The following ANO2 variants were observed in gnomAD, a reference collection of about 807,000 sequenced individuals.
ANO2 encodes anoctamin 2.
ANO2 carries 101 observed loss-of-function variants against 124.2 expected under a neutral mutation model. The ratio of observed to expected loss-of-function variants is 0.81; its 90% CI spans 0.69 to 0.96. The LOEUF is 0.96. Among genes scored for constraint, ANO2 ranks in the 40% least tolerant of loss-of-function variants. The probability of loss-of-function intolerance (pLI) is 0.00; values close to 1 mark genes in which losing one functional copy is unlikely to be tolerated. For missense variants in ANO2, 1,293 were observed against 1,274.5 expected (o/e 1.01, Z -0.22); for synonymous variants, 486 against 482.5 (o/e 1.01, Z -0.09).
chr12:5,945,345 T>TCCTCCC (rs1943062742), upstream of ANO2: 29 of 930,514 alleles, frequency 3.1e-5, no homozygotes, highest in South Asian at 7.6e-4. Flanking sequence ...TGCCGCCTCC[T>TCCTCCC]CCTCCCCCAT....
At chr12:5,918,257 A>G (rs1372244752) in intron 3 of ANO2, among the ~76,000 whole-genome samples, 1 of 152,084 alleles carries the variant, frequency 6.6e-6, no homozygotes, top group Non-Finnish European at 1.5e-5. Flanking sequence ...CTCTTCCTAC[A>G]TGGGTGGAAA....
chr12:5,731,221 G>A (rs1294090342), intron 14 of ANO2, among the ~76,000 whole-genome samples: 2 of 152,190 alleles, frequency 1.3e-5, no homozygotes, highest in Non-Finnish European at 2.9e-5. Context: ...TTTCTGATGA[G>A]GGTGGCGGTG....
At chr12:5,701,087 A>ATTTTTTTT (rs56113538) in intron 14 of ANO2, among the ~76,000 whole-genome samples, 17 of 93,610 alleles carry the variant, frequency 1.8e-4, no homozygotes, top group South Asian at 4.1e-4. Flanking sequence ...GTCATTTTCA[A>ATTTTTTTT]TTTTTTTTTT....
In ANO2 at chr12:5,744,221, C is replaced by T. The variant is rs200519106; in HGVS notation, c.1287G>A (p.Ala429=). ...GGTTGTCAAACAGGTGGCTGGCCTGCGCGGTCCCACAGGCTGAGCTGAGGT... is the reference window on the plus strand; with the variant it reads ...GGTTGTCAAACAGGTGGCTGGCCTGTGCGGTCCCACAGGCTGAGCTGAGGT... ...YWNLSSACGT[A]QASHLFDNPA... is the part of the protein sequence containing the mutation. Residue 429 remains alanine (A), a synonymous_variant, in exon 12 of 25, where the codon GCG becomes GCA. Coordinates refer to ENST00000682330, the MANE Select transcript of ANO2 (RefSeq NM_001364791.2). 1.8e-5 allele frequency: 29 copies of T among 1,612,848 alleles called. No homozygotes were observed. The highest frequency in any genetic ancestry group is 2.1e-5 in the Non-Finnish European group (25 of 1,179,860).
intron 10 of ANO2, among the ~76,000 whole-genome samples, chr12:5,798,456 C>T (rs1952938884): frequency 6.6e-6 from 1 of 152,124 alleles, no homozygotes; most frequent in Non-Finnish European, 1.5e-5. Flanking sequence ...AGCTGGAATT[C>T]CTCCCTCTAG....
chr12:5,937,644 AT>A (rs922116326), intron 1 of ANO2, among the ~76,000 whole-genome samples: 34 of 148,594 alleles, frequency 2.3e-4, no homozygotes, highest in Admixed American at 3.4e-4. Context: ...GGGGGTTGGA[AT>A]TTTTTTTTTT....
At chr12:5,872,486 A>G (rs1937771767) in intron 3 of ANO2, among the ~76,000 whole-genome samples, 1 of 152,144 alleles carries the variant, frequency 6.6e-6, no homozygotes, top group Admixed American at 6.5e-5. Flanking sequence ...TTCACCTCAA[A>G]TCAGTGACTA....
At chr12:5,584,611 C>T (rs1943002798) in intron 20 of ANO2, among the ~76,000 whole-genome samples, 1 of 152,172 alleles carries the variant, frequency 6.6e-6, no homozygotes, top group South Asian at 2.1e-4. Context: ...AAGGTCATAA[C>T]TATTTATTTC....
chr12:5,765,733 G>A (rs1266874787), intron 10 of ANO2, among the ~76,000 whole-genome samples: 1 of 152,182 alleles, frequency 6.6e-6, no homozygotes, highest in African/African-American at 2.4e-5. Context: ...CCATGAAAAT[G>A]GAACTTTTGT....
chr12:5,813,535 C>CCTGACCA lies in ANO2; in HGVS notation c.893-6174_893-6168dup, dbSNP rs553088244. ...CTGATGCCAATTACATGCAACCACACCTGACCACCGTCGCCCATAATCACA... is the reference window on the plus strand; with the variant it reads ...CTGATGCCAATTACATGCAACCACACCTGACCACTGACCACCGTCGCCCATAATCACA... On this transcript the variant is annotated intron_variant, in intron 7 of 24. Coordinates refer to ENST00000682330, the MANE Select transcript of ANO2 (RefSeq NM_001364791.2). Among the ~76,000 whole-genome samples, 134 of 152,244 alleles carry CCTGACCA rather than the reference C, an allele frequency of 8.8e-4. 1 individual carries two copies. The South Asian group carries it at 0.028, about 31-fold the overall frequency.
At chr12:5,610,980 T>TG (rs1358026495) in intron 19 of ANO2, among the ~76,000 whole-genome samples, 2 of 146,158 alleles carry the variant, frequency 1.4e-5, no homozygotes, top group African/African-American at 5.1e-5. Context: ...TGCTTTTTTT[T>TG]TTTTTTTTTG....
intron 14 of ANO2, among the ~76,000 whole-genome samples, chr12:5,688,810 CT>C (rs36091783): frequency 0.13 from 15,894 of 119,218 alleles, 935 homozygotes; most frequent in African/African-American, 0.23. Flanking sequence ...TGGGAGTATC[CT>C]TTTTTTTTTT....
intron 14 of ANO2, among the ~76,000 whole-genome samples, chr12:5,668,851 G>A (rs1452267247): frequency 6.6e-6 from 1 of 152,132 alleles, no homozygotes; most frequent in Non-Finnish European, 1.5e-5. Context: ...AGATCAGATG[G>A]TTGTAGACGT....
chr12:5,841,563 T>A (rs1954514887), intron 4 of ANO2, among the ~76,000 whole-genome samples: 1 of 152,254 alleles, frequency 6.6e-6, no homozygotes, highest in Non-Finnish European at 1.5e-5. Flanking sequence ...GCGCCATGCC[T>A]GCTGCCTCCC....
intron 10 of ANO2, among the ~76,000 whole-genome samples, chr12:5,772,264 T>C (rs931205943): frequency 2.6e-5 from 4 of 152,202 alleles, no homozygotes; most frequent in African/African-American, 9.6e-5. Flanking sequence ...AGAGAAAGAA[T>C]TCCATTATGA....
intron 14 of ANO2, among the ~76,000 whole-genome samples, chr12:5,673,273 G>T (rs1342687191): frequency 2.6e-5 from 4 of 152,154 alleles, no homozygotes; most frequent in African/African-American, 9.6e-5. Flanking sequence ...GCAGGCATGT[G>T]GCTAGCTCAG....
rs1214515243 is a variant in ANO2, at chr12:5,862,574, A to G, written c.535-8433T>C. Among the ~76,000 whole-genome samples the G allele has an allele frequency of 6.6e-6, 1 of 152,164 alleles. No homozygotes were observed. Among genetic ancestry groups the G allele is most frequent in the Non-Finnish European group, 1.5e-5 (1 of 68,034 alleles). ...CAAGTGAAGAGGAAGCAGTGAGGGGAGCCCAGGGAGACTGAGGAGTCCAAC... is the reference window on the plus strand; with the variant it reads ...CAAGTGAAGAGGAAGCAGTGAGGGGGGCCCAGGGAGACTGAGGAGTCCAAC... On this transcript the variant is annotated intron_variant, in intron 3 of 24. Coordinates refer to ENST00000682330, the MANE Select transcript of ANO2 (RefSeq NM_001364791.2). This position sits in a 1 kb window ranked among gnomAD's most constrained non-coding sequence, Gnocchi z 4.0.
At chr12:5,772,336 A>G (rs953768646) in intron 10 of ANO2, among the ~76,000 whole-genome samples, 15 of 152,230 alleles carry the variant, frequency 9.9e-5, no homozygotes, top group South Asian at 4.1e-4. Context: ...GCTTTTCATT[A>G]TTGGTAAAGA....
chr12:5,848,194 T>A (rs180684054), intron 4 of ANO2, among the ~76,000 whole-genome samples: 9 of 152,166 alleles, frequency 5.9e-5, no homozygotes, highest in Non-Finnish European at 7.3e-5. Context: ...CAGGAAAAAT[T>A]TGCCTCCTTT....
Sources: gnomAD v4.1 joint callset for allele counts (sites outside exome capture counted in the v4.1 genomes callset) on GRCh38, gnomAD v4.1.1 for gene constraint, Gnocchi (gnomAD v3.1) non-coding constraint, MANE v1.5 for transcripts, NCBI Gene and HGNC (gene_info 2026-07-23, HGNC 2026-07-21) for gene names.